Variants in ADAMTS2 observed in about 807,000 individuals in gnomAD.
ADAMTS2 encodes ADAM metallopeptidase with thrombospondin type 1 motif 2.
Under a neutral mutation model 123.0 loss-of-function variants are expected in ADAMTS2, and 50 were observed. The observed-to-expected ratio is 0.41, with a 90% CI of 0.32 to 0.51. The LOEUF is 0.51. Ranked by LOEUF, ADAMTS2 falls within the 20% of genes least tolerant of loss-of-function variation. The probability of loss-of-function intolerance (pLI) is 0.35; values close to 1 mark genes in which losing one functional copy is unlikely to be tolerated. For synonymous variants in ADAMTS2, 678 were observed against 695.4 expected (o/e 0.98, Z 0.39); for missense variants, 1,494 against 1,705.2 (o/e 0.88, Z 2.18).
intron 2 of ADAMTS2, among the ~76,000 whole-genome samples, chr5:179,322,168 C>T (rs1354307804): frequency 6.6e-6 from 1 of 152,190 alleles, no homozygotes; most frequent in East Asian, 1.9e-4. Flanking sequence ...TATATGAAGG[C>T]ACATACGACA....
intron 6 of ADAMTS2, among the ~76,000 whole-genome samples, chr5:179,157,769 C>T (rs751163158): frequency 5.9e-5 from 9 of 152,170 alleles, no homozygotes; most frequent in African/African-American, 9.6e-5. Flanking sequence ...TGATAAGAGT[C>T]TCCTGCCCAT....
chr5:179,310,947 C>T (rs173558), intron 2 of ADAMTS2, among the ~76,000 whole-genome samples: 3 of 151,892 alleles, frequency 2.0e-5, no homozygotes, highest in Non-Finnish European at 4.4e-5. Context: ...CCCTGCCTGC[C>T]CCAACCCACT....
At position 179,130,559 on chromosome 5, in the gene ADAMTS2, A is replaced by T. The variant is rs1307012349; in HGVS notation, c.2291-461T>A. Among the ~76,000 whole-genome samples the T allele has an allele frequency of 2.0e-5, 3 of 151,814 alleles. No individual in the cohort carries two copies. The highest frequency in any genetic ancestry group is 4.4e-5 in the Non-Finnish European group (3 of 67,938). On this transcript the variant is annotated intron_variant, in intron 15 of 21. Coordinates refer to ENST00000251582, the MANE Select transcript of ADAMTS2 (RefSeq NM_014244.5). The surrounding 1 kb of genome is among the most constrained non-coding windows in gnomAD (Gnocchi z 4.3). ...GTATATGTCTGGCTGAAACAGCAGA[A>T]CCCCCACCCCATCAGGGACCATGGC...
At chr5:179,199,083 G>A (rs532844942) in intron 4 of ADAMTS2, among the ~76,000 whole-genome samples, 5 of 152,328 alleles carry the variant, frequency 3.3e-5, no homozygotes, top group South Asian at 2.1e-4. Context: ...GGGTCTGAGC[G>A]CAGGGCTCAG....
chr5:179,124,943 C>G, intron 19 of ADAMTS2, 30 bp downstream of exon 19: 2 of 1,593,702 alleles, frequency 1.3e-6, no homozygotes, highest in African/African-American at 1.4e-5. Flanking sequence ...AGTTTTGGAG[C>G]TGAGGACACG....
At chr5:179,329,196 G>A (rs373753669) in intron 2 of ADAMTS2, among the ~76,000 whole-genome samples, 157 of 152,044 alleles carry the variant, frequency 1.0e-3, no homozygotes, top group African/African-American at 2.9e-3. Context: ...GTGTGGTGGC[G>A]GGCGCCTGTA....
chr5:179,320,776 C>T (rs1028082887), intron 2 of ADAMTS2, among the ~76,000 whole-genome samples: 2 of 152,198 alleles, frequency 1.3e-5, no homozygotes, highest in Non-Finnish European at 2.9e-5. Flanking sequence ...GAGGACTTGC[C>T]ACAAGGTATT....
chr5:179,136,884 A>G (rs1221878964), intron 12 of ADAMTS2, among the ~76,000 whole-genome samples: 1 of 151,814 alleles, frequency 6.6e-6, no homozygotes, highest in Non-Finnish European at 1.5e-5. Flanking sequence ...GCAGGAGAAT[A>G]GCTTGAACCT....
At chr5:179,184,103 T>G (rs1392067826) in intron 4 of ADAMTS2, among the ~76,000 whole-genome samples, 2 of 152,124 alleles carry the variant, frequency 1.3e-5, no homozygotes, top group Non-Finnish European at 2.9e-5. Flanking sequence ...CCAAGCGGAA[T>G]GAGACAAAGG....
chr5:179,110,906 T>G lies in ADAMTS2; in HGVS notation c.*2961A>C, dbSNP rs1201369545. ...TTTAATAAGTTATAAAAGTAAGGAG[T>G]CAAATTTTACATTACAGAACAAAGA... On this transcript the variant is annotated 3_prime_UTR_variant, in exon 22 of 22. Transcript: ENST00000251582. 6.6e-6 allele frequency: 1 copy of G among 152,076 alleles called. No individual in the cohort carries two copies. The highest frequency in any genetic ancestry group is 2.4e-5 in the African/African-American group (1 of 41,404). The allele number at this position is 152,076 out of a possible 1,614,324, so 9.4% of individuals were successfully genotyped here. A position where few individuals can be genotyped will look rare whatever the true frequency, so the allele number is the denominator to read the frequency against.
rs1355953711 is a variant in ADAMTS2 at position 179,273,044 on chromosome 5, C to T, written c.555G>A (p.Glu185=). The change falls in exon 3 of 22, where the codon GAG becomes GAA. Residue 185 remains glutamate, a synonymous_variant. Transcript: ENST00000251582. ...CDGLAGLIRM[E]EEEFFIEPLE... is the part of the protein sequence containing the mutation. ...AGGGTTCGATGAAGAACTCCTCCTCCTCCATCCGGATCAGACCAGCCTGCG... is the reference window on the plus strand; with the variant it reads ...AGGGTTCGATGAAGAACTCCTCCTCTTCCATCCGGATCAGACCAGCCTGCG... 1 of 1,613,626 alleles carries T rather than the reference C, an allele frequency of 6.2e-7. No homozygotes were observed. The highest frequency in any genetic ancestry group is 1.1e-5 in the South Asian group (1 of 91,082).
chr5:179,296,707 C>T (rs140574356), intron 2 of ADAMTS2, among the ~76,000 whole-genome samples: 1,787 of 152,172 alleles, frequency 0.012, 19 homozygotes, highest in Non-Finnish European at 0.019. Context: ...GAGGCTGCTG[C>T]GTGCTGTGGG....
At chr5:179,138,868 G>A (rs1358710537) in intron 11 of ADAMTS2, among the ~76,000 whole-genome samples, 1 of 152,226 alleles carries the variant, frequency 6.6e-6, no homozygotes, top group Non-Finnish European at 1.5e-5. Context: ...CCCAGGAGCG[G>A]CCGCAGAGGC....
At chr5:179,320,890 T>C (rs944706373) in intron 2 of ADAMTS2, among the ~76,000 whole-genome samples, 1 of 152,048 alleles carries the variant, frequency 6.6e-6, no homozygotes, top group African/African-American at 2.4e-5. Context: ...GCTGCCTGCA[T>C]CCATTTTTCT....
intron 5 of ADAMTS2, among the ~76,000 whole-genome samples, chr5:179,174,012 CAAAA>C (rs371293189): frequency 6.2e-5 from 4 of 64,934 alleles, no homozygotes; most frequent in East Asian, 4.4e-4. Context: ...GACTCCATCT[CAAAA>C]AAAAAAAAAA....
rs867147371 is a variant in ADAMTS2, at chr5:179,130,084, C to G, written c.2305G>C (p.Glu769Gln). 5 of 1,613,938 alleles carry G rather than the reference C, an allele frequency of 3.1e-6. No individual in the cohort carries two copies. The highest frequency in any genetic ancestry group is 4.2e-6 in the Non-Finnish European group (5 of 1,180,046). ...TSHHLAVKNLETGKFILNEEN... is the reference protein window; with the variant it reads ...TSHHLAVKNLQTGKFILNEEN... ...TCATTTAAGATGAACTTGCCTGTCTCCAGGTTCTTGACGGCTGAGAATGGC... is the reference window on the plus strand; with the variant it reads ...TCATTTAAGATGAACTTGCCTGTCTGCAGGTTCTTGACGGCTGAGAATGGC... Residue 769 changes from glutamate (E) to glutamine (Q), a missense_variant, in exon 16 of 22, where the codon GAG (glutamate) becomes CAG (glutamine). Physicochemically the swap from Glu to Gln is conservative, Grantham distance 29 (BLOSUM62 2). Coordinates refer to ENST00000251582, the MANE Select transcript of ADAMTS2 (RefSeq NM_014244.5). The surrounding 1 kb of genome is among the most constrained non-coding windows in gnomAD (Gnocchi z 4.3).
chr5:179,336,950 C>G (rs1757629293), intron 2 of ADAMTS2, among the ~76,000 whole-genome samples: 1 of 152,224 alleles, frequency 6.6e-6, no homozygotes, highest in African/African-American at 2.4e-5. Context: ...GTCCTGGACA[C>G]TAGGGTTCCC....
At chr5:179,135,765 G>T in intron 13 of ADAMTS2, 144 bp downstream of exon 13, 2 of 1,279,066 alleles carry the variant, frequency 1.6e-6, no homozygotes, top group Non-Finnish European at 2.2e-6. Flanking sequence ...TTTGCCAAGA[G>T]CCTGCCCTGG....
chr5:179,149,840 A>T (rs1763319185), intron 10 of ADAMTS2, among the ~76,000 whole-genome samples: 1 of 152,126 alleles, frequency 6.6e-6, no homozygotes, highest in South Asian at 2.1e-4. Flanking sequence ...GAACCAGGGG[A>T]GGCTGAGCAG....
Sources: allele counts gnomAD v4.1 joint callset (sites outside exome capture counted in the v4.1 genomes callset), GRCh38; gene constraint gnomAD v4.1.1; non-coding constraint Gnocchi (gnomAD v3.1); transcripts MANE v1.5; gene names NCBI Gene and HGNC (gene_info 2026-07-23, HGNC 2026-07-21).